Variants in ST18 observed in about 807,000 individuals in gnomAD.
The protein encoded by ST18 is suppression of tumorigenicity 18 protein.
ST18 carries 50 observed loss-of-function variants against 110.0 expected under a neutral mutation model. The observed-to-expected ratio is 0.45, with a 90% CI of 0.36 to 0.58. The LOEUF (loss-of-function observed/expected upper bound fraction) is 0.58, where lower values mean the gene tolerates loss of function less well. ST18 is among the 20% of genes least tolerant of loss of function. ST18 has a pLI of 0.00. For synonymous variants in ST18, 461 were observed against 452.4 expected, an observed-to-expected ratio of 1.02 and a Z score of -0.24; for missense variants, 1,306 against 1,280.1, an observed-to-expected ratio of 1.02 and a Z score of -0.31.
chr8:52,166,386 C>A (rs1027661226), intron 11 of ST18, among the ~76,000 whole-genome samples: 1 of 152,186 alleles, frequency 6.6e-6, no homozygotes, highest in Admixed American at 6.5e-5. Flanking sequence ...GGGCACTGTT[C>A]TTCTGCCCTG....
intron 2 of ST18, among the ~76,000 whole-genome samples, chr8:52,399,062 G>A (rs1421461602): frequency 3.3e-5 from 5 of 151,926 alleles, no homozygotes; most frequent in Admixed American, 3.3e-4. Context: ...GAAGCCAACT[G>A]GTCCTGGGCT....
At chr8:52,229,673 T>C (rs1195093400) in intron 3 of ST18, 1 of 152,248 alleles carries the variant, frequency 6.6e-6, no homozygotes, top group Non-Finnish European at 1.5e-5. Context: ...CCTTTTGTCA[T>C]GCAAGATAAC....
At chr8:52,130,119 A>AAAGGAAAGAAAGAAAG (rs67888949) in intron 22 of ST18, among the ~76,000 whole-genome samples, 3 of 105,242 alleles carry the variant, frequency 2.9e-5, no homozygotes, top group Admixed American at 2.1e-4. Flanking sequence ...AGAAAGAAAG[A>AAAGGAAAGAAAGAAAG]AAAGAAAGAA....
At chr8:52,202,380 C>T (rs2078294636) in intron 8 of ST18, among the ~76,000 whole-genome samples, 1 of 152,138 alleles carries the variant, frequency 6.6e-6, no homozygotes, top group South Asian at 2.1e-4. Context: ...AAAAAGTAGT[C>T]AGCATATTAA....
At chr8:52,193,088 T>C (rs1201048680) in intron 8 of ST18, among the ~76,000 whole-genome samples, 1 of 152,152 alleles carries the variant, frequency 6.6e-6, no homozygotes, top group Non-Finnish European at 1.5e-5. Context: ...AATCTGAAGG[T>C]CATGGTGACC....
rs758971746 is a variant in ST18 at position 52,118,410 on chromosome 8, C to G, written c.2787G>C (p.Leu929Phe). ...CATTCAGTTCCTTTATTTCTTCATC[C>G]AAATGCCTAATTTCTTCATCACTCT... ...GIESDEEIRH[L>F]DEEIKELNES... Residue 929 changes from leucine to phenylalanine, a missense_variant, in exon 24 of 26, where the codon TTG becomes TTC. By Grantham distance (22) the Leu-to-Phe change is conservative. Transcript: ENST00000689386. The G allele has an allele frequency of 2.5e-6, 4 of 1,610,926 alleles. No homozygotes were observed. The highest frequency in any genetic ancestry group is 3.4e-6 in the Non-Finnish European group (4 of 1,178,598).
At chr8:52,299,515 C>T (rs1052194299) in intron 2 of ST18, among the ~76,000 whole-genome samples, 18 of 152,204 alleles carry the variant, frequency 1.2e-4, no homozygotes, top group Admixed American at 4.6e-4. Flanking sequence ...ATTTTCTACT[C>T]TAAATTGGAT....
chr8:52,144,351 A>G (rs748209194), intron 16 of ST18, among the ~76,000 whole-genome samples: 16 of 152,146 alleles, frequency 1.1e-4, no homozygotes, highest in Non-Finnish European at 2.2e-4. Context: ...AATTAAATGA[A>G]TATAAAAATA....
At chr8:52,287,977 G>C (rs898496449) in intron 2 of ST18, among the ~76,000 whole-genome samples, 5 of 152,174 alleles carry the variant, frequency 3.3e-5, no homozygotes, top group Non-Finnish European at 5.9e-5. Flanking sequence ...GAGCTCAGAG[G>C]GTCGGGAAAT....
intron 2 of ST18, among the ~76,000 whole-genome samples, chr8:52,401,733 T>C (rs547922528): frequency 6.6e-6 from 1 of 152,216 alleles, no homozygotes; most frequent in African/African-American, 2.4e-5. Context: ...TTGCATTGTC[T>C]ATCTGTATTC....
At chr8:52,382,490 A>C (rs1281415520) in intron 2 of ST18, among the ~76,000 whole-genome samples, 2 of 152,248 alleles carry the variant, frequency 1.3e-5, no homozygotes, top group East Asian at 1.9e-4. Context: ...TCTTGAAGGC[A>C]AGTGATTGAC....
intron 8 of ST18, among the ~76,000 whole-genome samples, chr8:52,205,535 T>C (rs150540642): frequency 3.3e-5 from 5 of 152,214 alleles, no homozygotes; most frequent in East Asian, 3.9e-4. Flanking sequence ...TAGTAGTCTG[T>C]TTTTTTAAAA....
intron 2 of ST18, among the ~76,000 whole-genome samples, chr8:52,383,048 TCTC>T (rs1190274108): frequency 1.3e-5 from 2 of 152,142 alleles, no homozygotes; most frequent in Non-Finnish European, 2.9e-5. Flanking sequence ...TTCTTCTTCT[TCTC>T]TTCTTCTTCT....
At chr8:52,118,277 G>C in intron 24 of ST18, 61 bp downstream of exon 24, 1 of 1,159,142 alleles carries the variant, frequency 8.6e-7, no homozygotes. Flanking sequence ...AAATTTCAAT[G>C]TTTTGTTTCC....
chr8:52,309,419 G>T (rs1430419325), intron 2 of ST18, among the ~76,000 whole-genome samples: 1 of 151,420 alleles, frequency 6.6e-6, no homozygotes, highest in Non-Finnish European at 1.5e-5. Context: ...TACTCAGGAG[G>T]CTGAGGCAGG....
At chr8:52,135,080 A>G (rs941312379) in intron 19 of ST18, among the ~76,000 whole-genome samples, 2 of 152,198 alleles carry the variant, frequency 1.3e-5, no homozygotes, top group African/African-American at 4.8e-5. Context: ...TAAGAGACCC[A>G]ATAGCTATAA....
At chr8:52,386,659 A>T (rs1447662726) in intron 2 of ST18, among the ~76,000 whole-genome samples, 1 of 152,146 alleles carries the variant, frequency 6.6e-6, no homozygotes, top group Non-Finnish European at 1.5e-5. Flanking sequence ...TTTGAATATT[A>T]TCTTTCCTTT....
At chr8:52,311,544 C>A (rs911680391) in intron 2 of ST18, among the ~76,000 whole-genome samples, 2 of 152,128 alleles carry the variant, frequency 1.3e-5, no homozygotes, top group African/African-American at 4.8e-5. Context: ...ACGATACTAC[C>A]AGAGACTGGA....
intron 2 of ST18, among the ~76,000 whole-genome samples, chr8:52,239,236 T>C (rs1355243718): frequency 6.6e-6 from 1 of 152,022 alleles, no homozygotes; most frequent in Non-Finnish European, 1.5e-5. Flanking sequence ...GGGTGCAGAG[T>C]TTCTTTTTTG....
Sources: gnomAD v4.1 joint callset for allele counts (sites outside exome capture counted in the v4.1 genomes callset) on GRCh38, gnomAD v4.1.1 for gene constraint, MANE v1.5 for transcripts, NCBI Gene and HGNC (gene_info 2026-07-23, HGNC 2026-07-21) for gene names.